Variants in SPAG16 observed in about 807,000 individuals in gnomAD.
SPAG16 encodes sperm-associated antigen 16 protein.
SPAG16 carries 86 observed loss-of-function variants against 80.4 expected under a neutral mutation model. The ratio of observed to expected loss-of-function variants is 1.07; its 90% CI spans 0.90 to 1.28. The LOEUF (loss-of-function observed/expected upper bound fraction) is 1.28, where lower values mean the gene tolerates loss of function less well. Ranked by LOEUF, SPAG16 falls within the 50% of genes most tolerant of loss-of-function variation. SPAG16 has a pLI of 0.00. For synonymous variants in SPAG16, 294 were observed against 265.9 expected (o/e 1.11, Z -1.03); for missense variants, 870 against 765.3 (o/e 1.14, Z -1.61).
intron 13 of SPAG16, among the ~76,000 whole-genome samples, chr2:214,022,637 G>T (rs1348407097): frequency 6.6e-6 from 1 of 151,942 alleles, no homozygotes. Flanking sequence ...ACAATGGTTG[G>T]ATAATAGGTG....
intron 10 of SPAG16, among the ~76,000 whole-genome samples, chr2:213,846,985 A>G (rs2074662396): frequency 6.6e-6 from 1 of 152,134 alleles, no homozygotes. Flanking sequence ...TGTAGAACTG[A>G]GCTTCCTGCT....
At chr2:213,506,850 G>T (rs1397833461) in intron 10 of SPAG16, among the ~76,000 whole-genome samples, 1 of 152,134 alleles carries the variant, frequency 6.6e-6, no homozygotes, top group Non-Finnish European at 1.5e-5. Context: ...GATCTTAACT[G>T]TTTTCTGTCT....
At chr2:213,786,890 T>C (rs2070377053) in intron 10 of SPAG16, among the ~76,000 whole-genome samples, 2 of 152,144 alleles carry the variant, frequency 1.3e-5, no homozygotes, top group East Asian at 1.9e-4. Context: ...CAATTAGTAA[T>C]AGTTACTAGA....
At chr2:213,679,140 A>C (rs2064252371) in intron 10 of SPAG16, among the ~76,000 whole-genome samples, 1 of 152,174 alleles carries the variant, frequency 6.6e-6, no homozygotes, top group East Asian at 1.9e-4. Flanking sequence ...TGTCTAACCT[A>C]ATTCTAAATA....
chr2:214,258,487 A>ATATATATATATATATATATATG (rs1559161026), intron 15 of SPAG16, among the ~76,000 whole-genome samples: 2 of 147,214 alleles, frequency 1.4e-5, no homozygotes, highest in African/African-American at 5.2e-5. Flanking sequence ...ATATATATAT[A>ATATATATATATATATATATATG]TATACACACA....
rs748396727 is a variant in SPAG16 at position 213,350,648 on chromosome 2, A to G, written c.762+3A>G. 2 of 1,512,910 alleles carry G rather than the reference A, an allele frequency of 1.3e-6. No individual in the cohort carries two copies. The highest frequency in any genetic ancestry group is 4.1e-5 in the Admixed American group (2 of 48,710). 93.7% of individuals were successfully genotyped at this position (1,512,910 alleles called of 1,614,324 possible). A position where few individuals can be genotyped will look rare whatever the true frequency, so the allele number is the denominator to read the frequency against. ...AAAGAGACAAAGTAGTTGGGCAGGT[A>G]AAGATATAGTCAAAGCTAACTTAAA... On this transcript the variant is annotated splice_donor_region_variant and intron_variant, in intron 7 of 15. Transcript: ENST00000331683.
chr2:213,304,189 A>G (rs577137266), intron 3 of SPAG16, among the ~76,000 whole-genome samples: 21 of 152,242 alleles, frequency 1.4e-4, no homozygotes, highest in African/African-American at 4.8e-4. Flanking sequence ...TCTTCTTTTG[A>G]GAAATGTCTA....
intron 3 of SPAG16, among the ~76,000 whole-genome samples, chr2:213,308,133 ATTGTT>A (rs1311832713): frequency 1.3e-5 from 2 of 152,126 alleles, no homozygotes; most frequent in African/African-American, 2.4e-5. Context: ...AGAGACGATG[ATTGTT>A]TTATTTTTTT....
intron 10 of SPAG16, among the ~76,000 whole-genome samples, chr2:213,821,680 A>G (rs2072946150): frequency 6.6e-6 from 1 of 152,142 alleles, no homozygotes; most frequent in Non-Finnish European, 1.5e-5. Flanking sequence ...TAACCATTAA[A>G]CATTAACCTC....
intron 15 of SPAG16, among the ~76,000 whole-genome samples, chr2:214,341,291 T>A (rs1043089954): frequency 6.6e-6 from 1 of 152,116 alleles, no homozygotes; most frequent in Non-Finnish European, 1.5e-5. Context: ...AGGTTTAATA[T>A]TCATTCAACA....
At chr2:214,009,172 C>T (rs2047172112) in intron 12 of SPAG16, among the ~76,000 whole-genome samples, 1 of 152,264 alleles carries the variant, frequency 6.6e-6, no homozygotes, top group African/African-American at 2.4e-5. Flanking sequence ...GCCCAAAATT[C>T]ATGGTGAATC....
intron 11 of SPAG16, among the ~76,000 whole-genome samples, chr2:213,922,239 T>A (rs1225521294): frequency 7.1e-6 from 1 of 141,010 alleles, no homozygotes; most frequent in Non-Finnish European, 1.6e-5. Context: ...TCTTTTTTCT[T>A]TATTTTTGTC....
At chr2:214,173,273 T>C (rs1476528925) in intron 15 of SPAG16, among the ~76,000 whole-genome samples, 1 of 152,282 alleles carries the variant, frequency 6.6e-6, no homozygotes, top group South Asian at 2.1e-4. Context: ...TTAATTTTTG[T>C]ATAAGGTGTG....
At chr2:213,792,088 T>C (rs2070732573) in intron 10 of SPAG16, among the ~76,000 whole-genome samples, 1 of 152,360 alleles carries the variant, frequency 6.6e-6, no homozygotes, top group Non-Finnish European at 1.5e-5. Flanking sequence ...TTCTCAGAAA[T>C]GTTGTTTAAA....
chr2:213,573,747 G>T (rs768672148), intron 10 of SPAG16, among the ~76,000 whole-genome samples: 2 of 152,098 alleles, frequency 1.3e-5, no homozygotes, highest in African/African-American at 2.4e-5. Context: ...ATAAATTTCT[G>T]TGAATATTTG....
At chr2:214,116,819 A>C (rs923709470) in intron 14 of SPAG16, among the ~76,000 whole-genome samples, 2 of 152,180 alleles carry the variant, frequency 1.3e-5, no homozygotes, top group African/African-American at 4.8e-5. Context: ...AGACAACTTC[A>C]GTGATCACAG....
intron 15 of SPAG16, among the ~76,000 whole-genome samples, chr2:214,158,239 A>G (rs998039063): frequency 2.0e-5 from 3 of 152,072 alleles, no homozygotes; most frequent in African/African-American, 7.2e-5. Context: ...CCTGAGTCAA[A>G]CATAATATTC....
At chr2:214,297,687 T>C (rs1351440409) in intron 15 of SPAG16, among the ~76,000 whole-genome samples, 1 of 152,154 alleles carries the variant, frequency 6.6e-6, no homozygotes, top group Non-Finnish European at 1.5e-5. Flanking sequence ...TTCTGTTTAA[T>C]AGATCTGTGT....
chr2:213,291,995 G>A (rs570699071), intron 1 of SPAG16, among the ~76,000 whole-genome samples: 10 of 152,282 alleles, frequency 6.6e-5, no homozygotes, highest in African/African-American at 2.4e-4. Flanking sequence ...ATACATTTAG[G>A]TGATAAAAAG....
Sources: allele counts gnomAD v4.1 joint callset (sites outside exome capture counted in the v4.1 genomes callset), GRCh38; gene constraint gnomAD v4.1.1; transcripts MANE v1.5; gene names NCBI Gene and HGNC (gene_info 2026-07-23, HGNC 2026-07-21).